The following HYDIN variants were observed in gnomAD, a reference collection of about 807,000 sequenced individuals.
HYDIN encodes the protein HYDIN axonemal central pair apparatus protein, also known as axonemal central pair apparatus protein HYDIN.
A neutral mutation model predicts 403.9 loss-of-function variants in HYDIN; 132 were observed. That is an observed-to-expected ratio of 0.33 (90% CI 0.28 to 0.38). The LOEUF is 0.38. Ranked by LOEUF, HYDIN falls within the 10% of genes least tolerant of loss-of-function variation. The pLI, the probability that HYDIN is intolerant of heterozygous loss-of-function variation, is 1.00. For synonymous variants in HYDIN, 1,202 were observed against 1,891.7 expected, an observed-to-expected ratio of 0.64 and a Z score of 9.46; for missense variants, 2,827 against 5,009.5, an observed-to-expected ratio of 0.56 and a Z score of 13.15.
chr16:70,849,822 G>A lies in HYDIN; in HGVS notation c.12777C>T (p.Ile4259=), dbSNP rs1372118308. 1.6e-5 allele frequency: 14 copies of A among 848,926 alleles called. No homozygotes were observed. Among genetic ancestry groups the A allele is most frequent in the Non-Finnish European group, 2.5e-5 (13 of 525,576 alleles). 52.6% of individuals were successfully genotyped at this position (848,926 alleles called of 1,614,324 possible). ...TCTGTCCTACATCCACAGTGCTGTC[G>A]ATGGGTGAAAATTCCAAGTACTGCA... The part of the protein sequence containing the change: ...TLLQYLEFSP[I]DSTVDVGQSV... Residue 4259 remains isoleucine (I), a synonymous_variant, in exon 75 of 86, where the codon ATC becomes ATT. Coordinates refer to ENST00000393567, the MANE Select transcript of HYDIN (RefSeq NM_001270974.2).
At chr16:71,176,161 C>T (rs537745474) in intron 4 of HYDIN, among the ~76,000 whole-genome samples, 2 of 130,162 alleles carry the variant, frequency 1.5e-5, no homozygotes, top group South Asian at 2.1e-4. Context: ...AAAAATTAGC[C>T]GGGTGTGGTA....
intron 40 of HYDIN, among the ~76,000 whole-genome samples, chr16:70,953,540 G>C (rs967316390): frequency 6.6e-6 from 1 of 152,118 alleles, no homozygotes; most frequent in Non-Finnish European, 1.5e-5. Flanking sequence ...TGGCTCTGCT[G>C]TCTCTACTTC....
intron 38 of HYDIN, among the ~76,000 whole-genome samples, 186 bp downstream of exon 38, chr16:70,961,773 C>A (rs1459239554): frequency 1.3e-5 from 2 of 152,144 alleles, no homozygotes; most frequent in African/African-American, 4.8e-5. Flanking sequence ...CATCACCCAA[C>A]TCTCAAGCTT....
Position 71,182,039 on chromosome 16 carries a change from T to C in HYDIN, c.261+2826A>G, listed in dbSNP as rs559572522. Among the ~76,000 whole-genome samples, 7 of 152,196 alleles carry C rather than the reference T, an allele frequency of 4.6e-5. No homozygotes were observed. In the South Asian group the frequency reaches 6.2e-4, roughly 14 times the overall value. On this transcript the variant is annotated intron_variant, in intron 3 of 85. Coordinates refer to ENST00000393567, the MANE Select transcript of HYDIN (RefSeq NM_001270974.2). ...AGCAAGTCACACTAAGATTTTAGAA[T>C]AGCACTCCAGTTAGAAGGGAAAGCA... is the stretch of plus-strand genomic sequence containing the variant.
chr16:71,225,620 T>C (rs917108356), intron 1 of HYDIN, among the ~76,000 whole-genome samples: 5 of 152,064 alleles, frequency 3.3e-5, no homozygotes, highest in Non-Finnish European at 5.9e-5. Flanking sequence ...ATAGGTATTG[T>C]GGGATGAAAC....
intron 13 of HYDIN, among the ~76,000 whole-genome samples, chr16:71,077,328 T>C (rs1031759404): frequency 3.1e-3 from 466 of 151,652 alleles, no homozygotes; most frequent in Non-Finnish European, 5.1e-3. Context: ...CTTCTTCCTG[T>C]AGTGTCTGCA....
At chr16:71,141,220 A>T (rs1389095006) in intron 7 of HYDIN, among the ~76,000 whole-genome samples, 1 of 150,844 alleles carries the variant, frequency 6.6e-6, no homozygotes, top group Non-Finnish European at 1.5e-5. Flanking sequence ...CAGTATCTCA[A>T]ATCATTGGTA....
intron 1 of HYDIN, among the ~76,000 whole-genome samples, chr16:71,230,094 G>C (rs963603896): frequency 6.6e-6 from 1 of 152,210 alleles, no homozygotes; most frequent in African/African-American, 2.4e-5. Flanking sequence ...GGCCTCCCCA[G>C]CCAAGTGGAA....
intron 41 of HYDIN, among the ~76,000 whole-genome samples, chr16:70,944,761 T>G (rs1285596060): frequency 6.6e-6 from 1 of 152,200 alleles, no homozygotes; most frequent in Non-Finnish European, 1.5e-5. Flanking sequence ...ATTTATTTTA[T>G]TATATTTTTG....
At chr16:70,823,961 G>A (rs2036422691) in intron 83 of HYDIN, among the ~76,000 whole-genome samples, 1 of 148,070 alleles carries the variant, frequency 6.8e-6, no homozygotes, top group South Asian at 2.2e-4. Context: ...ATGGGGATTC[G>A]TCATGAGTTT....
At chr16:70,862,019 A>C (rs1442312720) in intron 69 of HYDIN, 29 bp downstream of exon 69, 13 of 1,531,578 alleles carry the variant, frequency 8.5e-6, no homozygotes, top group East Asian at 2.4e-5. Flanking sequence ...CCTGCCAAGA[A>C]GGGTGTTGTG....
chr16:71,066,899 A>C (rs747110078), intron 15 of HYDIN: 9 of 563,010 alleles, frequency 1.6e-5, no homozygotes, highest in Non-Finnish European at 3.0e-5. Flanking sequence ...TGCAGGACTG[A>C]CAGCATCACC....
chr16:71,209,084 T>A (rs948550849), intron 1 of HYDIN, among the ~76,000 whole-genome samples: 2 of 151,364 alleles, frequency 1.3e-5, no homozygotes, highest in East Asian at 3.9e-4. Context: ...ATGGCAGAGA[T>A]ACAACAAAAA....
intron 1 of HYDIN, among the ~76,000 whole-genome samples, chr16:71,207,137 G>T (rs1051525307): frequency 6.6e-6 from 1 of 152,070 alleles, no homozygotes; most frequent in African/African-American, 2.4e-5. Context: ...AGCCCTCCAA[G>T]GTTGAAATGA....
At chr16:71,055,969 C>T (rs2081871462) in intron 18 of HYDIN, among the ~76,000 whole-genome samples, 1 of 152,086 alleles carries the variant, frequency 6.6e-6, no homozygotes, top group African/African-American at 2.4e-5. Flanking sequence ...GCTGAGGTCC[C>T]CAGGGCCCTG....
chr16:71,018,665 CTT>C (rs1276385988), intron 22 of HYDIN, among the ~76,000 whole-genome samples: 2 of 151,098 alleles, frequency 1.3e-5, no homozygotes, highest in South Asian at 2.1e-4. Context: ...AGTATAGACA[CTT>C]ATGTATATGG....
chr16:70,847,153 TTAA>T (rs2038268818), intron 75 of HYDIN, among the ~76,000 whole-genome samples: 1 of 151,702 alleles, frequency 6.6e-6, no homozygotes, highest in Non-Finnish European at 1.5e-5. Flanking sequence ...GTCTTTACAT[TTAA>T]TAACAACTTA....
rs778387571 is a variant in HYDIN, at chr16:70,862,203, G to A, written c.11622C>T (p.Thr3874=). 4.3e-6 allele frequency: 7 copies of A among 1,613,778 alleles called. No individual in the cohort carries two copies. Among genetic ancestry groups the A allele is most frequent in the South Asian group, 1.1e-5 (1 of 90,994 alleles). The change falls in exon 69 of 86, where the codon ACC becomes ACT. Residue 3874 remains threonine, a synonymous_variant. Coordinates refer to ENST00000393567, the MANE Select transcript of HYDIN (RefSeq NM_001270974.2). ...CCCAGTGGTCCATGGTGCTGTCCAG[G>A]GTGCTGCCTGTATGCATCGTGCCCT... The part of the protein sequence containing the change: ...LSQGTMHTGS[T]LDSTMDHWAE...
chr16:71,194,084 T>C (rs1009279259), intron 1 of HYDIN, among the ~76,000 whole-genome samples: 1 of 152,200 alleles, frequency 6.6e-6, no homozygotes, highest in African/African-American at 2.4e-5. Context: ...AATATAAACA[T>C]TGCTTGATAA....
Sources: allele counts gnomAD v4.1 joint callset (sites outside exome capture counted in the v4.1 genomes callset), GRCh38; gene constraint gnomAD v4.1.1; transcripts MANE v1.5; gene names NCBI Gene and HGNC (gene_info 2026-07-23, HGNC 2026-07-21).